ACSM3: variants seen among roughly 807,000 people sequenced by gnomAD.
The protein encoded by ACSM3 is acyl-coenzyme A synthetase ACSM3, mitochondrial.
A neutral mutation model predicts 74.1 loss-of-function variants in ACSM3; 61 were observed. The ratio of observed to expected loss-of-function variants is 0.82; its 90% CI spans 0.67 to 1.02. The LOEUF (loss-of-function observed/expected upper bound fraction) is 1.02, where lower values mean the gene tolerates loss of function less well. Among genes scored for constraint, ACSM3 ranks in the 50% least tolerant of loss-of-function variants. The pLI is 0.00. For missense variants in ACSM3, 660 were observed against 697.0 expected (o/e 0.95, Z 0.60); for synonymous variants, 213 against 241.5 (o/e 0.88, Z 1.09).
At chr16:20,755,535 T>C (rs1448222573) in intron 2 of ACSM3, 3 of 151,968 alleles carry the variant, frequency 2.0e-5, no homozygotes, top group African/African-American at 7.2e-5. Context: ...TGGTGGATGG[T>C]ATGATACTAT....
At chr16:20,751,151 A>T (rs2079986544) in intron 2 of ACSM3, among the ~76,000 whole-genome samples, 1 of 152,208 alleles carries the variant, frequency 6.6e-6, no homozygotes, top group Non-Finnish European at 1.5e-5. Context: ...TAGAAAGCCT[A>T]GATCTGTTAT....
intron 1 of ACSM3, chr16:20,718,398 A>T: frequency 1.1e-6 from 1 of 927,850 alleles, no homozygotes; most frequent in Non-Finnish European, 1.5e-6. Context: ...GTCAAGAACC[A>T]GTGGCCATTT....
chr16:20,686,232 C>A lies in ACSM3; in HGVS notation c.-190+11410C>A, dbSNP rs193049128. On this transcript the variant is annotated intron_variant, in intron 1 of 3. Coordinates refer to the ACSM3 transcript ENST00000561584. Reference sequence around the variant, plus strand: ...GAAAAAAATTTTTTTAATTAAGTTACTCTTAGAGGTGAGGGCAGTAACAAA... The same window carrying A: ...GAAAAAAATTTTTTTAATTAAGTTAATCTTAGAGGTGAGGGCAGTAACAAA... Among the ~76,000 whole-genome samples the A allele has an allele frequency of 4.1e-3, 625 of 152,134 alleles. 8 individuals carry two copies. The highest frequency in any genetic ancestry group is 4.0e-3 in the Non-Finnish European group (272 of 68,018).
intron 2 of ACSM3, among the ~76,000 whole-genome samples, chr16:20,753,462 C>CAAAAA (rs36090074): frequency 9.8e-6 from 1 of 101,594 alleles, no homozygotes; most frequent in Non-Finnish European, 1.8e-5. Context: ...AGACTGTCTC[C>CAAAAA]AAAAAAAAAA....
intron 1 of ACSM3, chr16:20,727,253 C>A: frequency 2.1e-6 from 1 of 466,920 alleles, no homozygotes; most frequent in Non-Finnish European, 4.2e-6. Flanking sequence ...CTCCTAGCTT[C>A]TATGCTTGCT....
At chr16:20,769,713 T>C (rs1310494272) in intron 1 of ACSM3, among the ~76,000 whole-genome samples, 1 of 152,206 alleles carries the variant, frequency 6.6e-6, no homozygotes, top group Non-Finnish European at 1.5e-5. Context: ...GACCTGATAG[T>C]TCTGGGTTCA....
chr16:20,691,232 C>T (rs2079648890), intron 1 of ACSM3: 2 of 1,465,870 alleles, frequency 1.4e-6, no homozygotes, highest in Non-Finnish European at 1.8e-6. Context: ...TCTCAAGTCA[C>T]CACCTGCCTT....
intron 1 of ACSM3, among the ~76,000 whole-genome samples, chr16:20,693,578 A>G (rs1422501137): frequency 6.6e-6 from 1 of 152,198 alleles, no homozygotes; most frequent in Non-Finnish European, 1.5e-5. Flanking sequence ...ATAATAGACA[A>G]TAGAACTAGT....
chr16:20,781,017 T>A lies in ACSM3; in HGVS notation c.826T>A (p.Ser276Thr), dbSNP rs1292258180. ...LTPSDVMWNT[S>T]DTGWAKSAWS... ...ACCCTCAGATGTGATGTGGAATACC[T>A]CAGATACGGGCTGGGCAAAGTCTGC... is the stretch of plus-strand genomic sequence containing the variant. The change falls in exon 6 of 14, where the codon TCA (serine) becomes ACA (threonine). Residue 276 changes from serine to threonine, a missense_variant. Coordinates refer to ENST00000289416, the MANE Select transcript of ACSM3 (RefSeq NM_005622.4). 5.0e-6 allele frequency: 8 copies of A among 1,614,086 alleles called. No individual in the cohort carries two copies. The African/African-American group carries it at 1.1e-4, about 22-fold the overall frequency.
chr16:20,738,204 G>A (rs910963691), intron 1 of ACSM3: 2 of 530,566 alleles, frequency 3.8e-6, no homozygotes, highest in South Asian at 3.1e-5. Context: ...TGTTTAGGTA[G>A]ACACCGTTGT....
intron 2 of ACSM3, among the ~76,000 whole-genome samples, chr16:20,752,819 A>G (rs1046687855): frequency 3.9e-5 from 6 of 152,254 alleles, no homozygotes; most frequent in South Asian, 2.1e-4. Flanking sequence ...AGGAGAGCCA[A>G]CACAACATTA....
At position 20,792,345 on chromosome 16, in the gene ACSM3, C is replaced by T; in HGVS notation, c.1554+10C>T. ...CCCCATCAGAGGAGAGGTAAAAGAA[C>T]TGATTCATGTCAACTTTATAATTTG... On this transcript the variant is annotated intron_variant, in intron 12 of 13. Transcript: ENST00000289416. 1 of 1,613,592 alleles carries T rather than the reference C, an allele frequency of 6.2e-7. No homozygotes were observed. The highest frequency in any genetic ancestry group is 8.5e-7 in the Non-Finnish European group (1 of 1,179,580).
chr16:20,677,123 G>A (rs1333983182), intron 1 of ACSM3, among the ~76,000 whole-genome samples: 1 of 151,746 alleles, frequency 6.6e-6, no homozygotes, highest in African/African-American at 2.4e-5. Context: ...AGGTTCTGCT[G>A]CATTTAGATC....
intron 12 of ACSM3, among the ~76,000 whole-genome samples, chr16:20,795,704 T>C (rs1165975837): frequency 1.3e-5 from 2 of 152,194 alleles, no homozygotes; most frequent in East Asian, 3.9e-4. Flanking sequence ...TACATACTAG[T>C]TGATGCACCT....
At chr16:20,678,107 C>T (rs1236831605) in intron 1 of ACSM3, among the ~76,000 whole-genome samples, 1 of 152,080 alleles carries the variant, frequency 6.6e-6, no homozygotes, top group African/African-American at 2.4e-5. Flanking sequence ...TATGCCTCTC[C>T]TCCCAGAGAT....
intron 2 of ACSM3, among the ~76,000 whole-genome samples, chr16:20,751,498 A>T (rs8059484): frequency 0.49 from 74,065 of 152,128 alleles, 18,982 homozygotes; most frequent in Non-Finnish European, 0.58. Flanking sequence ...TGAGAGATAG[A>T]AACCCAGGAG....
At chr16:20,779,494 G>T (rs2080306119) in intron 4 of ACSM3, among the ~76,000 whole-genome samples, 1 of 151,670 alleles carries the variant, frequency 6.6e-6, no homozygotes, top group Non-Finnish European at 1.5e-5. Context: ...TCTCATGAAT[G>T]GCCTGGTTGT....
intron 1 of ACSM3, among the ~76,000 whole-genome samples, chr16:20,766,775 A>G (rs574123446): frequency 1.3e-5 from 2 of 152,276 alleles, no homozygotes; most frequent in South Asian, 4.2e-4. Context: ...TACTTCATTT[A>G]AAAAAATAGA....
chr16:20,718,465 T>C, intron 1 of ACSM3: 2 of 481,154 alleles, frequency 4.2e-6, no homozygotes, highest in Non-Finnish European at 6.7e-6. Context: ...TCAGAGCAGC[T>C]TCAGCATTGG....
Sources: allele counts gnomAD v4.1 joint callset (sites outside exome capture counted in the v4.1 genomes callset), GRCh38; gene constraint gnomAD v4.1.1; transcripts MANE v1.5; gene names NCBI Gene and HGNC (gene_info 2026-07-23, HGNC 2026-07-21).